ESRRG: variants seen among roughly 807,000 people sequenced by gnomAD.
ESRRG encodes estrogen-related receptor gamma.
A neutral mutation model predicts 44.0 loss-of-function variants in ESRRG; 13 were observed. The ratio of observed to expected loss-of-function variants is 0.30; its 90% CI spans 0.19 to 0.47. The LOEUF is 0.47. Among genes scored for constraint, ESRRG ranks in the 20% least tolerant of loss-of-function variants. ESRRG has a pLI of 1.00. For synonymous variants in ESRRG, 215 were observed against 214.6 expected, an observed-to-expected ratio of 1.00 and a Z score of -0.02; for missense variants, 395 against 580.6, an observed-to-expected ratio of 0.68 and a Z score of 3.29.
intron 1 of ESRRG, among the ~76,000 whole-genome samples, chr1:217,022,041 G>T (rs2080403794): frequency 2.0e-5 from 3 of 152,240 alleles, no homozygotes; most frequent in African/African-American, 7.2e-5. Flanking sequence ...CCTAAATAGG[G>T]ATATTATGGT....
chr1:216,519,093 A>G (rs1304424400), intron 6 of ESRRG, 59 bp downstream of exon 6: 2 of 1,474,866 alleles, frequency 1.4e-6, no homozygotes, highest in African/African-American at 2.8e-5. Context: ...GAAGTTAAGG[A>G]GAGGGGTAAA....
chr1:216,811,471 A>G (rs1015483694), intron 2 of ESRRG, among the ~76,000 whole-genome samples: 1 of 152,186 alleles, frequency 6.6e-6, no homozygotes, highest in South Asian at 2.1e-4. Context: ...CCTATTGGTC[A>G]TTTATGTAAG....
intron 1 of ESRRG, among the ~76,000 whole-genome samples, chr1:216,686,657 T>G (rs2078041296): frequency 6.6e-6 from 1 of 152,098 alleles, no homozygotes; most frequent in Non-Finnish European, 1.5e-5. Flanking sequence ...CCAGGGTTTC[T>G]GCCGCTTGCT....
At chr1:217,100,698 G>T (rs1455821172) in intron 1 of ESRRG, among the ~76,000 whole-genome samples, 1 of 152,214 alleles carries the variant, frequency 6.6e-6, no homozygotes, top group Non-Finnish European at 1.5e-5. Context: ...AAGGTGAAGG[G>T]TGAGCCAGCA....
At chr1:216,651,466 A>T (rs527359751) in intron 2 of ESRRG, among the ~76,000 whole-genome samples, 1 of 152,310 alleles carries the variant, frequency 6.6e-6, no homozygotes, top group East Asian at 1.9e-4. Context: ...TCAATCCTGG[A>T]TTTATTCTGA....
intron 2 of ESRRG, among the ~76,000 whole-genome samples, chr1:216,859,971 C>G (rs2813683): frequency 6.6e-6 from 1 of 151,960 alleles, no homozygotes; most frequent in Non-Finnish European, 1.5e-5. Context: ...ATGTTAGAAA[C>G]AGCAGACAAA....
intron 2 of ESRRG, among the ~76,000 whole-genome samples, chr1:216,916,705 A>C (rs1458747499): frequency 1.3e-5 from 2 of 152,056 alleles, no homozygotes; most frequent in African/African-American, 2.4e-5. Flanking sequence ...CCATTTTGAG[A>C]AGTGCTCAAA....
upstream of ESRRG, among the ~76,000 whole-genome samples, chr1:217,091,916 C>T (rs551412604): frequency 7.9e-5 from 12 of 152,294 alleles, no homozygotes; most frequent in African/African-American, 2.2e-4. Flanking sequence ...CACCACAAAG[C>T]GAAAGAACCA....
chr1:217,106,893 C>A (rs568169461), intron 1 of ESRRG, among the ~76,000 whole-genome samples: 1 of 152,290 alleles, frequency 6.6e-6, no homozygotes, highest in South Asian at 2.1e-4. Context: ...ATACTTTCAC[C>A]AAGCTCTGCG....
At chr1:216,741,236 TA>T (rs1292874797) in intron 2 of ESRRG, among the ~76,000 whole-genome samples, 1 of 147,456 alleles carries the variant, frequency 6.8e-6, no homozygotes, top group Non-Finnish European at 1.5e-5. Flanking sequence ...TTTATATTTA[TA>T]ATTTATATTA....
At chr1:217,108,638 G>A (rs542821893) in intron 1 of ESRRG, among the ~76,000 whole-genome samples, 153 of 151,920 alleles carry the variant, frequency 1.0e-3, no homozygotes, top group African/African-American at 3.0e-3. Flanking sequence ...AGTGTGTGGC[G>A]CCTTCCCTCC....
rs151313803 is a variant in ESRRG, at chr1:216,534,468, G to A, written c.863-15047C>T. Among the ~76,000 whole-genome samples the A allele has an allele frequency of 6.8e-3, 1,031 of 152,158 alleles. 5 individuals are homozygous for A. The highest frequency in any genetic ancestry group is 0.024 in the African/African-American group (976 of 41,530). ...GTACTCTGAGACAAATTCGATTATA[G>A]CTCATGAGTATCTCTTTCATGGATA... is the stretch of plus-strand genomic sequence containing the variant. On this transcript the variant is annotated intron_variant, in intron 5 of 6. Coordinates refer to ENST00000408911, the MANE Select transcript of ESRRG (RefSeq NM_001438.4).
chr1:216,790,909 A>G (rs2094299600), intron 2 of ESRRG, among the ~76,000 whole-genome samples: 1 of 152,180 alleles, frequency 6.6e-6, no homozygotes, highest in South Asian at 2.1e-4. Context: ...AATCAGAGAG[A>G]TGCCAGAACC....
intron 2 of ESRRG, among the ~76,000 whole-genome samples, chr1:216,675,902 C>T (rs181754676): frequency 8.7e-4 from 132 of 152,250 alleles, no homozygotes; most frequent in Middle Eastern, 3.4e-3. Context: ...TGGCTGTACC[C>T]AAGACCAATT....
intron 2 of ESRRG, among the ~76,000 whole-genome samples, chr1:216,848,580 G>A (rs17044175): frequency 0.15 from 23,278 of 151,758 alleles, 1,991 homozygotes; most frequent in African/African-American, 0.21. Flanking sequence ...TCTACATTGC[G>A]CAGCATGTTG....
chr1:217,075,406 C>T (rs2091142928), intron 1 of ESRRG, among the ~76,000 whole-genome samples: 1 of 152,136 alleles, frequency 6.6e-6, no homozygotes, highest in African/African-American at 2.4e-5. Flanking sequence ...CAGAGCAAAA[C>T]CCCAACCCAT....
At chr1:216,580,312 G>A (rs890162609) in intron 3 of ESRRG, among the ~76,000 whole-genome samples, 2 of 152,006 alleles carry the variant, frequency 1.3e-5, no homozygotes, top group Non-Finnish European at 2.9e-5. Context: ...TTCTTGTTTG[G>A]CGTGTTTTCT....
At chr1:217,055,013 T>A (rs1180054220) in intron 1 of ESRRG, among the ~76,000 whole-genome samples, 1 of 152,166 alleles carries the variant, frequency 6.6e-6, no homozygotes, top group Non-Finnish European at 1.5e-5. Context: ...TTTCCTGGGT[T>A]TAGATGACTA....
chr1:217,107,389 T>A (rs1203014792), intron 1 of ESRRG, among the ~76,000 whole-genome samples: 1 of 152,234 alleles, frequency 6.6e-6, no homozygotes, highest in Non-Finnish European at 1.5e-5. Flanking sequence ...AATAATTTAT[T>A]CATGGGTGAA....
Sources: gnomAD v4.1 joint callset for allele counts (sites outside exome capture counted in the v4.1 genomes callset) on GRCh38, gnomAD v4.1.1 for gene constraint, MANE v1.5 for transcripts, NCBI Gene and HGNC (gene_info 2026-07-23, HGNC 2026-07-21) for gene names.